The following LRP1B variants were observed in gnomAD, a reference collection of about 807,000 sequenced individuals.
LRP1B encodes the protein LDL receptor related protein 1B.
Under a neutral mutation model 556.6 loss-of-function variants are expected in LRP1B, and 217 were observed. The ratio of observed to expected loss-of-function variants is 0.39; its 90% confidence interval spans 0.35 to 0.44. LRP1B has a LOEUF of 0.44. LRP1B is among the 20% of genes least tolerant of loss of function. The probability of loss-of-function intolerance (pLI) is 1.00; values close to 1 mark genes in which losing one functional copy is unlikely to be tolerated. For synonymous variants in LRP1B, 2,047 were observed against 1,865.8 expected, an observed-to-expected ratio of 1.10 and a Z score of -2.50; for missense variants, 5,053 against 5,620.8, an observed-to-expected ratio of 0.90 and a Z score of 3.23.
At chr2:140,824,719 A>T (rs1273990204) in intron 31 of LRP1B, among the ~76,000 whole-genome samples, 1 of 152,152 alleles carries the variant, frequency 6.6e-6, no homozygotes, top group African/African-American at 2.4e-5. Flanking sequence ...TTCCTTGGAT[A>T]CATCAAATGA....
chr2:140,960,689 T>C (rs1696007904), intron 18 of LRP1B, among the ~76,000 whole-genome samples: 1 of 151,938 alleles, frequency 6.6e-6, no homozygotes, highest in Non-Finnish European at 1.5e-5. Context: ...TGTACATTTA[T>C]AGTTAAAAGT....
intron 2 of LRP1B, among the ~76,000 whole-genome samples, chr2:141,643,744 T>C (rs1025598214): frequency 3.3e-5 from 5 of 152,128 alleles, no homozygotes; most frequent in Admixed American, 6.6e-5. Context: ...GTTTCTTTGA[T>C]GTAGTGGAAT....
In LRP1B at chr2:140,601,440, T is replaced by G; in HGVS notation, c.6989+10A>C. 6.3e-7 allele frequency: 1 copy of G among 1,592,554 alleles called. No individual in the cohort carries two copies. The highest frequency in any genetic ancestry group is 1.1e-5 in the South Asian group (1 of 88,174). Reference sequence around the variant, plus strand: ...CTATAATGAAGAAATAAAACTACACTGTTTCTTACTTTTGACATTCATCCA... The same window carrying G: ...CTATAATGAAGAAATAAAACTACACGGTTTCTTACTTTTGACATTCATCCA... On this transcript the variant is annotated intron_variant, in intron 42 of 90. Coordinates refer to ENST00000389484, the MANE Select transcript of LRP1B (RefSeq NM_018557.3).
intron 60 of LRP1B, among the ~76,000 whole-genome samples, chr2:140,463,252 TAGGCTAATCTCC>T (rs1452733805): frequency 6.6e-6 from 1 of 152,050 alleles, no homozygotes; most frequent in Non-Finnish European, 1.5e-5. Flanking sequence ...ATGGCCAGGG[TAGGCTAATCTCC>T]AGAGAAGGAT....
At chr2:141,723,699 A>C (rs755937018) in intron 2 of LRP1B, among the ~76,000 whole-genome samples, 1 of 151,902 alleles carries the variant, frequency 6.6e-6, no homozygotes, top group East Asian at 1.9e-4. Flanking sequence ...GCAGAAAGAG[A>C]TATTGATAAA....
At chr2:142,065,813 T>C (rs1469856642) in intron 1 of LRP1B, among the ~76,000 whole-genome samples, 1 of 151,366 alleles carries the variant, frequency 6.6e-6, no homozygotes, top group Non-Finnish European at 1.5e-5. Flanking sequence ...ATCCAAAAAC[T>C]TATTTAAATC....
chr2:142,050,137 CTCTT>C (rs1362816342), intron 1 of LRP1B, among the ~76,000 whole-genome samples: 1 of 152,092 alleles, frequency 6.6e-6, no homozygotes, highest in Non-Finnish European at 1.5e-5. Context: ...ATTAAGTATT[CTCTT>C]TCTATGTGCA....
In LRP1B at chr2:140,700,405, T is replaced by A. The variant is rs1485801036; in HGVS notation, c.6644A>T (p.Tyr2215Phe). Residue 2215 changes from tyrosine (Y) to phenylalanine (F), a missense_variant, in exon 41 of 91, where the codon TAT becomes TTT. By Grantham distance (22) the Tyr-to-Phe change is conservative. Coordinates refer to ENST00000389484, the MANE Select transcript of LRP1B (RefSeq NM_018557.3). ...ETNLNSPIRP[Y>F]ENPRYFKNVI... ...ATTCTTGAAATAACGTGGATTCTCA[T>A]ATGGCCTTATTGGGGAATTTAAATT... 6.2e-7 allele frequency: 1 copy of A among 1,613,502 alleles called. No individual in the cohort carries two copies. Among genetic ancestry groups the A allele is most frequent in the Non-Finnish European group, 8.5e-7 (1 of 1,179,606 alleles).
intron 2 of LRP1B, among the ~76,000 whole-genome samples, chr2:141,566,156 GAA>G (rs748669440): frequency 2.8e-5 from 4 of 142,196 alleles, no homozygotes; most frequent in Non-Finnish European, 3.1e-5. Context: ...CACATTTCAG[GAA>G]AAAAAAAAAG....
At chr2:141,046,093 A>G (rs907135487) in intron 11 of LRP1B, among the ~76,000 whole-genome samples, 3 of 152,168 alleles carry the variant, frequency 2.0e-5, no homozygotes, top group African/African-American at 7.2e-5. Flanking sequence ...AATAATGAAT[A>G]AAGATGGATT....
At chr2:141,414,540 C>A (rs1424639739) in intron 3 of LRP1B, among the ~76,000 whole-genome samples, 1 of 152,162 alleles carries the variant, frequency 6.6e-6, no homozygotes, top group African/African-American at 2.4e-5. Context: ...TTGATTTCCC[C>A]AGCATCCTCT....
chr2:140,611,581 A>G (rs1189645158), intron 41 of LRP1B, among the ~76,000 whole-genome samples: 2 of 152,112 alleles, frequency 1.3e-5, no homozygotes, highest in Non-Finnish European at 2.9e-5. Flanking sequence ...AAGTTTTGCA[A>G]AGAAAAGGAA....
intron 6 of LRP1B, among the ~76,000 whole-genome samples, chr2:141,193,395 T>C (rs184362094): frequency 4.8e-4 from 73 of 152,018 alleles, no homozygotes; most frequent in Non-Finnish European, 9.3e-4. Flanking sequence ...ATATATACCA[T>C]GGAATACTAT....
intron 78 of LRP1B, 30 bp downstream of exon 78, chr2:140,335,585 A>G: frequency 7.7e-7 from 1 of 1,292,258 alleles, no homozygotes; most frequent in Admixed American, 1.7e-5. Context: ...TTCATTATCA[A>G]GAAATAGAAA....
At chr2:140,254,281 T>A (rs1351839624) in intron 86 of LRP1B, among the ~76,000 whole-genome samples, 1 of 152,128 alleles carries the variant, frequency 6.6e-6, no homozygotes, top group Non-Finnish European at 1.5e-5. Context: ...TAGTAGCATA[T>A]CAGGAGGTGT....
At chr2:140,568,853 T>TA (rs777037919) in intron 43 of LRP1B, among the ~76,000 whole-genome samples, 2 of 151,786 alleles carry the variant, frequency 1.3e-5, no homozygotes, top group Admixed American at 6.6e-5. Flanking sequence ...AAATGAAAGA[T>TA]AAAAAAATTG....
chr2:142,048,731 A>G (rs1263534649), intron 1 of LRP1B, among the ~76,000 whole-genome samples: 1 of 152,022 alleles, frequency 6.6e-6, no homozygotes, highest in Non-Finnish European at 1.5e-5. Flanking sequence ...AAGGCAAATA[A>G]TGTGACACTG....
At chr2:141,705,362 A>T (rs1460121520) in intron 2 of LRP1B, among the ~76,000 whole-genome samples, 1 of 151,956 alleles carries the variant, frequency 6.6e-6, no homozygotes, top group Non-Finnish European at 1.5e-5. Flanking sequence ...CCCTTTATAT[A>T]GGGTGATCAA....
chr2:141,959,696 G>T (rs1701350602), intron 1 of LRP1B, among the ~76,000 whole-genome samples: 1 of 151,792 alleles, frequency 6.6e-6, no homozygotes, highest in Admixed American at 6.6e-5. Flanking sequence ...ATACAATTAA[G>T]ATTTAAATAT....
Sources: allele counts gnomAD v4.1 joint callset (sites outside exome capture counted in the v4.1 genomes callset), GRCh38; gene constraint gnomAD v4.1.1; transcripts MANE v1.5; gene names NCBI Gene and HGNC (gene_info 2026-07-23, HGNC 2026-07-21).